The following ARID1B variants were observed in gnomAD, a reference collection of about 807,000 sequenced individuals.
ARID1B encodes AT-rich interactive domain-containing protein 1B.
In ARID1B, 30 loss-of-function variants were observed where a neutral mutation model predicts 212.3. The ratio of observed to expected loss-of-function variants is 0.14; its 90% CI spans 0.11 to 0.19. The LOEUF is 0.19. Among genes scored for constraint, ARID1B ranks in the 10% least tolerant of loss-of-function variants. ARID1B has a pLI of 1.00. For synonymous variants in ARID1B, 1,402 were observed against 1,301.7 expected (o/e 1.08, Z -1.66); for missense variants, 2,891 against 3,204.0 (o/e 0.90, Z 2.36).
chr6:156,893,045 C>CTTT lies in ARID1B; in HGVS notation c.1987-8318_1987-8316dup, dbSNP rs567719662. On this transcript the variant is annotated intron_variant, in intron 2 of 19. Transcript: ENST00000636930. ...AACTCTTTTTTTTTCTTTTTTCTTC[C>CTTT]TTTTTTTTTTTTTTTGAGATGGAGT... 5.1e-3 allele frequency among the ~76,000 whole-genome samples: 436 copies of CTTT among 85,906 alleles called. 42 individuals are homozygous for CTTT. The highest frequency in any genetic ancestry group is 0.019 in the African/African-American group (409 of 21,308). The allele number at this position is 85,906 out of a possible 152,430, so 56.4% of individuals were successfully genotyped here. A position where few individuals can be genotyped will look rare whatever the true frequency, so the allele number is the denominator to read the frequency against.
intron 15 of ARID1B, chr6:157,193,751 A>G (rs1793541153): frequency 1.3e-5 from 2 of 152,182 alleles, no homozygotes. Flanking sequence ...AGCAGTTAAA[A>G]ACTTTTGCTT....
At position 156,879,718 on chromosome 6, in the gene ARID1B, A is replaced by C. The variant is rs369627575; in HGVS notation, c.1987-21658A>C. ...CTGTTACAGGAAGCAGAGGGTTTATATCATTGTTTTTGTAAAGTCAACTCT... is the reference window on the plus strand; with the variant it reads ...CTGTTACAGGAAGCAGAGGGTTTATCTCATTGTTTTTGTAAAGTCAACTCT... On this transcript the variant is annotated intron_variant, in intron 2 of 19. Coordinates refer to ENST00000636930, the MANE Select transcript of ARID1B (RefSeq NM_001374828.1). Among the ~76,000 whole-genome samples, 30 of 152,344 alleles carry C rather than the reference A, an allele frequency of 2.0e-4. No homozygotes were observed. The East Asian group carries it at 2.9e-3, about 15-fold the overall frequency.
At chr6:156,862,571 G>A (rs151250980) in intron 2 of ARID1B, among the ~76,000 whole-genome samples, 41 of 152,322 alleles carry the variant, frequency 2.7e-4, no homozygotes, top group African/African-American at 8.4e-4. Flanking sequence ...GGCCAGCACC[G>A]CCATGCACTA....
chr6:156,817,134 C>T (rs1782022387), intron 1 of ARID1B, among the ~76,000 whole-genome samples: 2 of 151,326 alleles, frequency 1.3e-5, no homozygotes, highest in South Asian at 4.2e-4. Flanking sequence ...CCTGTAATTC[C>T]AGCACTTTGG....
rs150637487 is a variant in ARID1B at position 157,183,378 on chromosome 6, T to C, written c.3715-853T>C. Among the ~76,000 whole-genome samples, 616 of 152,142 alleles carry C rather than the reference T, an allele frequency of 4.0e-3. 3 individuals carry two copies. The highest frequency in any genetic ancestry group is 0.013 in the African/African-American group (554 of 41,506). Reference sequence around the variant, plus strand: ...AGAAAGTTTGAACCCAGAAATTTAATATTTCATTAAAAACCACTGTCCCCT... The same window carrying C: ...AGAAAGTTTGAACCCAGAAATTTAACATTTCATTAAAAACCACTGTCCCCT... On this transcript the variant is annotated intron_variant, in intron 12 of 19. Transcript: ENST00000636930.
chr6:157,057,792 T>C (rs1316667971), intron 4 of ARID1B, among the ~76,000 whole-genome samples: 1 of 152,114 alleles, frequency 6.6e-6, no homozygotes. Flanking sequence ...TAGCCATAAA[T>C]ATTTCCTGTG....
At chr6:157,029,424 A>G (rs772440981) in intron 4 of ARID1B, among the ~76,000 whole-genome samples, 4 of 152,204 alleles carry the variant, frequency 2.6e-5, no homozygotes, top group African/African-American at 9.7e-5. Context: ...CATTTATTCA[A>G]CAAATATTTA....
At chr6:157,035,552 A>G (rs1256108638) in intron 4 of ARID1B, among the ~76,000 whole-genome samples, 2 of 152,204 alleles carry the variant, frequency 1.3e-5, no homozygotes, top group Non-Finnish European at 2.9e-5. Context: ...TCTAAATCTA[A>G]CAGCCTTGGA....
chr6:157,148,672 A>G lies in ARID1B; in HGVS notation c.2810A>G (p.Tyr937Cys). 6.2e-7 allele frequency: 1 copy of G among 1,611,032 alleles called. No homozygotes were observed. The highest frequency in any genetic ancestry group is 1.3e-5 in the African/African-American group (1 of 75,018). The stretch of plus-strand genomic sequence containing the variant: ...TATAGTGGGGTGCCCAGTGCAAGCT[A>G]CAGCGGCCCAGGGCCCGGTATGGGT... ...PAYSGVPSASYSGPGPGMGIS... is the reference protein window; with the variant it reads ...PAYSGVPSASCSGPGPGMGIS... Residue 937 changes from tyrosine (Y) to cysteine (C), a missense_variant, in exon 8 of 20, where the codon TAC (tyrosine) becomes TGC (cysteine). Tyr to Cys is a radical substitution (Grantham distance 194). Coordinates refer to ENST00000636930, the MANE Select transcript of ARID1B (RefSeq NM_001374828.1). The surrounding 1 kb of genome is among the most constrained non-coding windows in gnomAD (Gnocchi z 5.6).
chr6:157,140,799 C>T (rs1288637742), intron 7 of ARID1B: 7 of 395,982 alleles, frequency 1.8e-5, no homozygotes, highest in East Asian at 7.1e-5. Flanking sequence ...GTCCGGGATC[C>T]GCTTCTGCCC....
At chr6:156,908,654 C>T (rs1005684780) in intron 3 of ARID1B, among the ~76,000 whole-genome samples, 1 of 151,718 alleles carries the variant, frequency 6.6e-6, no homozygotes, top group Non-Finnish European at 1.5e-5. Context: ...AATTTTTTCT[C>T]TTAAGTACTG....
intron 2 of ARID1B, among the ~76,000 whole-genome samples, chr6:156,831,690 T>C (rs993201478): frequency 5.9e-5 from 9 of 152,386 alleles, no homozygotes; most frequent in Admixed American, 2.0e-4. Flanking sequence ...CCTGTGACTC[T>C]TATACACTTT....
chr6:157,178,097 C>G lies in ARID1B; in HGVS notation c.3505-2872C>G, dbSNP rs140486172. ...TAAGCTGGGGTGGAGGCGTTGAGTG[C>G]TGGCAGCGGACGCAACCTCTTGCTC... On this transcript the variant is annotated intron_variant, in intron 11 of 19. Transcript: ENST00000636930. Among the ~76,000 whole-genome samples, 247 of 152,298 alleles carry G rather than the reference C, an allele frequency of 1.6e-3. 1 individual carries two copies. Among genetic ancestry groups the G allele is most frequent in the African/African-American group, 5.6e-3 (233 of 41,580 alleles).
intron 4 of ARID1B, among the ~76,000 whole-genome samples, chr6:156,997,759 G>A (rs533938688): frequency 1.3e-5 from 2 of 151,900 alleles, no homozygotes; most frequent in East Asian, 3.9e-4. Flanking sequence ...TAGCATAAAG[G>A]AATGCATTTG....
chr6:156,797,517 G>C (rs190772095), intron 1 of ARID1B, among the ~76,000 whole-genome samples: 1 of 152,124 alleles, frequency 6.6e-6, no homozygotes, highest in South Asian at 2.1e-4. Context: ...TGGCAGCCCC[G>C]ATGCCACCTT....
chr6:157,021,319 AG>A (rs1780234251), intron 4 of ARID1B, among the ~76,000 whole-genome samples: 1 of 152,200 alleles, frequency 6.6e-6, no homozygotes, highest in Non-Finnish European at 1.5e-5. Context: ...AGGGAGAACC[AG>A]TGATTCCACG....
Position 157,001,917 on chromosome 6 carries a change from GGCGAGGGCTCCCCAC to G in ARID1B, c.2247+66344_2247+66358del, listed in dbSNP as rs1415234747. Among the ~76,000 whole-genome samples, 3 of 152,294 alleles carry G rather than the reference GGCGAGGGCTCCCCAC, an allele frequency of 2.0e-5. No individual in the cohort carries two copies. The East Asian group carries it at 5.8e-4, about 29-fold the overall frequency. The stretch of plus-strand genomic sequence containing the variant: ...GTCGCACACCTTACCAACAGCAGGC[GGCGAGGGCTCCCCAC>G]GCTGCTCGTTTCCAGAGGTGCCTCG... On this transcript the variant is annotated intron_variant, in intron 4 of 19. Coordinates refer to ENST00000636930, the MANE Select transcript of ARID1B (RefSeq NM_001374828.1).
chr6:157,025,715 A>G (rs1780616290), intron 4 of ARID1B, among the ~76,000 whole-genome samples: 1 of 152,140 alleles, frequency 6.6e-6, no homozygotes, highest in Non-Finnish European at 1.5e-5. Flanking sequence ...TCATCAGTTG[A>G]AGGGTATTTG....
intron 4 of ARID1B, among the ~76,000 whole-genome samples, chr6:156,971,578 C>T (rs1282733226): frequency 6.6e-6 from 1 of 152,152 alleles, no homozygotes; most frequent in East Asian, 1.9e-4. Context: ...GTTTCTATGG[C>T]TCAGGAATCT....
Sources: gnomAD v4.1 joint callset for allele counts (sites outside exome capture counted in the v4.1 genomes callset) on GRCh38, gnomAD v4.1.1 for gene constraint, Gnocchi (gnomAD v3.1) non-coding constraint, MANE v1.5 for transcripts, NCBI Gene and HGNC (gene_info 2026-07-23, HGNC 2026-07-21) for gene names.